Variants in KAT2B observed in about 807,000 individuals in gnomAD.
KAT2B encodes histone acetyltransferase KAT2B.
KAT2B carries 36 observed loss-of-function variants against 105.9 expected under a neutral mutation model. That is an observed-to-expected ratio of 0.34 (90% CI 0.26 to 0.45). The LOEUF (loss-of-function observed/expected upper bound fraction) is 0.45, where lower values mean the gene tolerates loss of function less well. Ranked by LOEUF, KAT2B falls within the 20% of genes least tolerant of loss-of-function variation. The probability of loss-of-function intolerance (pLI) is 1.00; values close to 1 mark genes in which losing one functional copy is unlikely to be tolerated. For missense variants in KAT2B, 820 were observed against 1,021.6 expected (o/e 0.80, Z 2.69); for synonymous variants, 397 against 377.9 (o/e 1.05, Z -0.59).
intron 8 of KAT2B, among the ~76,000 whole-genome samples, chr3:20,120,162 G>T (rs1056049480): frequency 2.6e-5 from 4 of 151,868 alleles, no homozygotes; most frequent in Admixed American, 2.6e-4. Flanking sequence ...GAAATACACA[G>T]TCTCTTGAAG....
At chr3:20,122,327 T>C (rs1317293039) in intron 8 of KAT2B, among the ~76,000 whole-genome samples, 2 of 152,260 alleles carry the variant, frequency 1.3e-5, no homozygotes, top group South Asian at 2.1e-4. Context: ...ATATGGACCA[T>C]GTTCTCTGAC....
intron 2 of KAT2B, among the ~76,000 whole-genome samples, chr3:20,081,878 C>CATGTAT (rs1553585337): frequency 1.4e-5 from 2 of 140,504 alleles, no homozygotes; most frequent in African/African-American, 5.7e-5. Flanking sequence ...GTCATTGGCT[C>CATGTAT]ATATATATAT....
In KAT2B at chr3:20,072,449, C is replaced by G; in HGVS notation, c.420C>G (p.Ser140Arg). The change falls in exon 2 of 18, where the codon AGC becomes AGG. Residue 140 changes from serine (S) to arginine (R), a missense_variant. Ser to Arg is a moderately radical substitution (Grantham distance 110). Transcript: ENST00000263754. ...TAACAGAATCCTGTCGGAGTTGTAG[C>G]CATGCCCTAGGTGAGTTCCTAAATC... ...VSLTESCRSC[S>R]HALAAHVSHL... 2 of 1,613,696 alleles carry G rather than the reference C, an allele frequency of 1.2e-6. No homozygotes were observed. Among genetic ancestry groups the G allele is most frequent in the Non-Finnish European group, 1.7e-6 (2 of 1,179,602 alleles).
At chr3:20,090,109 T>A (rs1300705045) in intron 2 of KAT2B, among the ~76,000 whole-genome samples, 1 of 152,212 alleles carries the variant, frequency 6.6e-6, no homozygotes, top group Non-Finnish European at 1.5e-5. Context: ...TTTGGTGGTG[T>A]CTTTAGGGTT....
intron 6 of KAT2B, among the ~76,000 whole-genome samples, chr3:20,112,555 T>A (rs1699140590): frequency 6.6e-6 from 1 of 152,210 alleles, no homozygotes; most frequent in Non-Finnish European, 1.5e-5. Context: ...AGGGTGCAGT[T>A]GATGACTTCT....
intron 5 of KAT2B, 47 bp from the exon 6 acceptor site, chr3:20,111,549 C>G: frequency 1.4e-6 from 2 of 1,443,784 alleles, no homozygotes; most frequent in South Asian, 2.5e-5. Flanking sequence ...TTCTGATGAC[C>G]TGGGGGTTTA....
chr3:20,049,420 T>C (rs1357651451), intron 1 of KAT2B, among the ~76,000 whole-genome samples: 1 of 152,212 alleles, frequency 6.6e-6, no homozygotes, highest in Non-Finnish European at 1.5e-5. Context: ...AGGGAGTTCA[T>C]TTTACTAGCA....
At chr3:20,133,681 C>T (rs561882595) in intron 11 of KAT2B, among the ~76,000 whole-genome samples, 10 of 152,164 alleles carry the variant, frequency 6.6e-5, no homozygotes, top group South Asian at 2.1e-4. Flanking sequence ...TGAATATGGC[C>T]GGTCTAAATT....
chr3:20,113,093 C>T (rs1699149427), intron 6 of KAT2B, among the ~76,000 whole-genome samples: 1 of 152,166 alleles, frequency 6.6e-6, no homozygotes, highest in African/African-American at 2.4e-5. Context: ...ATGACATGAA[C>T]ATTTTGTTGT....
rs1175620164 is a variant in KAT2B, at chr3:20,095,253, T to G, written c.431-10T>G. 1 of 1,604,966 alleles carries G rather than the reference T, an allele frequency of 6.2e-7. No individual in the cohort carries two copies. The highest frequency in any genetic ancestry group is 8.5e-7 in the Non-Finnish European group (1 of 1,176,372). ...AGGTCTTACATATGTTTCTTTGATC[T>G]TATCATAAGCTGCTCATGTTTCCCA... On this transcript the variant is annotated splice_polypyrimidine_tract_variant and intron_variant, in intron 2 of 17. Transcript: ENST00000263754.
intron 1 of KAT2B, among the ~76,000 whole-genome samples, chr3:20,053,298 G>A (rs1459807688): frequency 6.6e-6 from 1 of 152,126 alleles, no homozygotes; most frequent in African/African-American, 2.4e-5. Context: ...ACTTTTGGGT[G>A]GCCAAGGTGG....
intron 2 of KAT2B, among the ~76,000 whole-genome samples, chr3:20,084,016 C>T (rs775679304): frequency 2.0e-4 from 30 of 152,106 alleles, no homozygotes; most frequent in Non-Finnish European, 2.9e-4. Flanking sequence ...GAAAGTTCAG[C>T]GCTACTTCCT....
chr3:20,126,196 G>A, intron 10 of KAT2B, 83 bp downstream of exon 10: 1 of 1,155,684 alleles, frequency 8.7e-7, no homozygotes, highest in Non-Finnish European at 1.3e-6. Context: ...GTCAGCCATA[G>A]TCATCCACCG....
intron 8 of KAT2B, among the ~76,000 whole-genome samples, chr3:20,122,024 C>T (rs1575146425): frequency 1.3e-5 from 2 of 151,732 alleles, no homozygotes; most frequent in African/African-American, 2.4e-5. Context: ...GGTGGGGTGC[C>T]GGTGGGGGCG....
chr3:20,112,634 C>T (rs985086819), intron 6 of KAT2B, among the ~76,000 whole-genome samples: 14 of 152,126 alleles, frequency 9.2e-5, no homozygotes, highest in African/African-American at 2.4e-4. Flanking sequence ...CCTAGATCAG[C>T]GCTTGGTCAG....
intron 5 of KAT2B, among the ~76,000 whole-genome samples, chr3:20,102,116 G>A (rs1698921154): frequency 6.6e-6 from 1 of 152,036 alleles, no homozygotes; most frequent in African/African-American, 2.4e-5. Context: ...AGGAGTTCAA[G>A]ACCAGCCTGG....
At chr3:20,106,973 A>G (rs1699018927) in intron 5 of KAT2B, among the ~76,000 whole-genome samples, 1 of 12,336 alleles carries the variant, frequency 8.1e-5, no homozygotes, top group Non-Finnish European at 1.2e-4. Flanking sequence ...ATATATATAT[A>G]TATATGTATA....
intron 6 of KAT2B, among the ~76,000 whole-genome samples, chr3:20,112,182 C>T (rs1271581506): frequency 3.9e-4 from 57 of 146,948 alleles, no homozygotes; most frequent in African/African-American, 1.1e-3. Context: ...TTTTTTTTTC[C>T]GTTCAATTTC....
intron 11 of KAT2B, among the ~76,000 whole-genome samples, chr3:20,130,063 C>T (rs1206950769): frequency 6.6e-6 from 1 of 152,058 alleles, no homozygotes; most frequent in Admixed American, 6.5e-5. Flanking sequence ...CTGCAACCTC[C>T]GCCTCCTGGG....
Sources: allele counts gnomAD v4.1 joint callset (sites outside exome capture counted in the v4.1 genomes callset), GRCh38; gene constraint gnomAD v4.1.1; transcripts MANE v1.5; gene names NCBI Gene and HGNC (gene_info 2026-07-23, HGNC 2026-07-21).